Variants in FHIT observed in about 807,000 individuals in gnomAD.
The protein encoded by FHIT is fragile histidine triad diadenosine triphosphatase.
FHIT carries 19 observed loss-of-function variants against 17.9 expected under a neutral mutation model. The observed-to-expected ratio is 1.06, with a 90% CI of 0.74 to 1.56. The LOEUF (loss-of-function observed/expected upper bound fraction) is 1.56. FHIT is among the 40% of genes most tolerant of loss of function. The pLI is 0.00. For missense variants in FHIT, 248 were observed against 189.2 expected (o/e 1.31, Z -1.82); for synonymous variants, 81 against 69.7 (o/e 1.16, Z -0.81).
Position 60,543,762 on chromosome 3 carries a change from TCAGA to T in FHIT, c.-17-6787_-17-6784del, listed in dbSNP as rs149546166. On this transcript the variant is annotated intron_variant, in intron 4 of 9. Coordinates refer to ENST00000492590, the MANE Select transcript of FHIT (RefSeq NM_002012.4). ...TTTTTGTTGTTGTTTTGTTTTGTTT[TCAGA>T]CAGAGTTTCGCTCTGTCACCCAGGC... Among the ~76,000 whole-genome samples, 1,212 of 152,224 alleles carry T rather than the reference TCAGA, an allele frequency of 8.0e-3. 12 individuals carry two copies. The highest frequency in any genetic ancestry group is 0.028 in the African/African-American group (1,163 of 41,526).
intron 2 of FHIT, among the ~76,000 whole-genome samples, chr3:61,168,377 T>G (rs2037901980): frequency 6.6e-6 from 1 of 152,200 alleles, no homozygotes; most frequent in Non-Finnish European, 1.5e-5. Flanking sequence ...CTCAGAAATG[T>G]GACTTCAAAA....
Position 60,920,771 on chromosome 3 carries a change from A to T in FHIT, c.-110-98760T>A, listed in dbSNP as rs571735487. The stretch of plus-strand genomic sequence containing the variant: ...TTTAAATTACATTTATCCCAAGGGT[A>T]ATGAGAAGCCTTTGAAAGACTTTCA... On this transcript the variant is annotated intron_variant, in intron 3 of 9. Coordinates refer to ENST00000492590, the MANE Select transcript of FHIT (RefSeq NM_002012.4). Among the ~76,000 whole-genome samples, 3 of 152,260 alleles carry T rather than the reference A, an allele frequency of 2.0e-5. No homozygotes were observed. The East Asian group carries it at 5.8e-4, about 29-fold the overall frequency.
intron 7 of FHIT, among the ~76,000 whole-genome samples, chr3:59,946,101 A>G (rs1029494803): frequency 1.3e-5 from 2 of 152,224 alleles, no homozygotes; most frequent in African/African-American, 4.8e-5. Context: ...GACAGAATCT[A>G]TAAATTGCTT....
At chr3:60,303,547 TG>T (rs1460894516) in intron 5 of FHIT, among the ~76,000 whole-genome samples, 1 of 152,194 alleles carries the variant, frequency 6.6e-6, no homozygotes, top group African/African-American at 2.4e-5. Flanking sequence ...TCAGTGCAGC[TG>T]GACAGGGCCA....
At chr3:60,424,352 C>G (rs1179208121) in intron 5 of FHIT, among the ~76,000 whole-genome samples, 1 of 152,126 alleles carries the variant, frequency 6.6e-6, no homozygotes, top group African/African-American at 2.4e-5. Flanking sequence ...AGAAAATGAA[C>G]TCACATACAT....
chr3:60,741,303 A>G (rs538901347), intron 4 of FHIT, among the ~76,000 whole-genome samples: 8 of 152,256 alleles, frequency 5.3e-5, no homozygotes, highest in South Asian at 2.1e-4. Context: ...CTCATCCACT[A>G]TCATTTTTGA....
At chr3:60,657,821 A>G (rs2040152762) in intron 4 of FHIT, among the ~76,000 whole-genome samples, 2 of 152,218 alleles carry the variant, frequency 1.3e-5, no homozygotes, top group South Asian at 4.1e-4. Flanking sequence ...GTTTAATCAC[A>G]TGGCCTGCCT....
chr3:60,394,208 G>C (rs981474267), intron 5 of FHIT, among the ~76,000 whole-genome samples: 3 of 152,126 alleles, frequency 2.0e-5, no homozygotes, highest in Non-Finnish European at 4.4e-5. Context: ...ATTCATTGAA[G>C]AGAGACTGAG....
intron 2 of FHIT, among the ~76,000 whole-genome samples, chr3:61,134,137 G>A (rs2036846543): frequency 2.3e-5 from 1 of 42,702 alleles, no homozygotes; most frequent in Non-Finnish European, 5.6e-5. Context: ...ACACAAAGAG[G>A]TCAAGGGAGG....
At chr3:60,229,001 C>CCT (rs1164465637) in intron 5 of FHIT, among the ~76,000 whole-genome samples, 1 of 152,136 alleles carries the variant, frequency 6.6e-6, no homozygotes, top group Non-Finnish European at 1.5e-5. Context: ...CAGAATGGAA[C>CCT]CTCACACTCT....
intron 3 of FHIT, among the ~76,000 whole-genome samples, chr3:60,822,443 G>C (rs1701961974): frequency 6.6e-6 from 1 of 152,144 alleles, no homozygotes; most frequent in Non-Finnish European, 1.5e-5. Flanking sequence ...TCACCTGTCT[G>C]AAGTGTCCTG....
chr3:60,287,523 G>T (rs958337870), intron 5 of FHIT, among the ~76,000 whole-genome samples: 1 of 152,128 alleles, frequency 6.6e-6, no homozygotes, highest in Admixed American at 6.5e-5. Context: ...ATATATGACA[G>T]TTTATTAGTA....
intron 8 of FHIT, among the ~76,000 whole-genome samples, chr3:59,828,751 T>C (rs1490889357): frequency 6.6e-6 from 1 of 152,218 alleles, no homozygotes; most frequent in South Asian, 2.1e-4. Context: ...CAATATGATA[T>C]GTGATTCCTT....
chr3:61,022,571 T>C (rs568477998), intron 3 of FHIT, among the ~76,000 whole-genome samples: 130 of 152,352 alleles, frequency 8.5e-4, no homozygotes, highest in Non-Finnish European at 1.5e-3. Context: ...ATATCCCTGA[T>C]GAACATCAAT....
intron 7 of FHIT, among the ~76,000 whole-genome samples, chr3:59,989,302 CT>C (rs1036385912): frequency 1.8e-4 from 28 of 152,110 alleles, no homozygotes; most frequent in African/African-American, 6.3e-4. Context: ...GTCAGTTTAG[CT>C]TCAGAGGGAA....
chr3:60,553,071 C>G (rs1204953943), intron 4 of FHIT, among the ~76,000 whole-genome samples: 1 of 152,204 alleles, frequency 6.6e-6, no homozygotes, highest in Non-Finnish European at 1.5e-5. Context: ...AAGACAGGCT[C>G]TGGCCACCTG....
chr3:60,780,661 C>T (rs994590070), intron 4 of FHIT, among the ~76,000 whole-genome samples: 2 of 152,252 alleles, frequency 1.3e-5, no homozygotes, highest in East Asian at 1.9e-4. Context: ...CCCAAAACAG[C>T]GCCCCCTCTC....
chr3:59,942,290 A>C (rs1295978917), intron 7 of FHIT, among the ~76,000 whole-genome samples: 1 of 151,942 alleles, frequency 6.6e-6, no homozygotes, highest in East Asian at 1.9e-4. Flanking sequence ...TGCAAAGATC[A>C]CCCTTAGCCT....
At chr3:59,924,348 A>G (rs1046352258) in intron 7 of FHIT, among the ~76,000 whole-genome samples, 1 of 151,488 alleles carries the variant, frequency 6.6e-6, no homozygotes, top group Non-Finnish European at 1.5e-5. Context: ...ATCTTTCATC[A>G]TCTCCCTTAT....
Sources: gnomAD v4.1 joint callset for allele counts (sites outside exome capture counted in the v4.1 genomes callset) on GRCh38, gnomAD v4.1.1 for gene constraint, MANE v1.5 for transcripts, NCBI Gene and HGNC (gene_info 2026-07-23, HGNC 2026-07-21) for gene names.